OIT3: variants seen among roughly 807,000 people sequenced by gnomAD.
The protein encoded by OIT3 is oncoprotein induced transcript 3.
In OIT3, 41 loss-of-function variants were observed where a neutral mutation model predicts 52.2. The observed-to-expected ratio is 0.79, with a 90% CI of 0.61 to 1.02. The LOEUF is 1.02. Among genes scored for constraint, OIT3 ranks in the 50% least tolerant of loss-of-function variants. The pLI, the probability that OIT3 is intolerant of heterozygous loss-of-function variation, is 0.00. For missense variants in OIT3, 634 were observed against 715.5 expected (o/e 0.89, Z 1.30); for synonymous variants, 244 against 276.9 (o/e 0.88, Z 1.18).
At chr10:72,901,403 C>T (rs1327762330) in intron 3 of OIT3, among the ~76,000 whole-genome samples, 1 of 152,052 alleles carries the variant, frequency 6.6e-6, no homozygotes, top group Non-Finnish European at 1.5e-5. Context: ...TAGAAGAGAA[C>T]AGAGATGAAA....
At chr10:72,918,227 C>T (rs1481025622) in intron 6 of OIT3, 6 of 844,978 alleles carry the variant, frequency 7.1e-6, no homozygotes, top group Non-Finnish European at 1.0e-5. Context: ...CTAAACCACA[C>T]TTCAACTGTA....
rs765108835 is a variant in OIT3, at chr10:72,911,860, AC to A, written c.790+22del. 1.2e-5 allele frequency: 20 copies of A among 1,602,216 alleles called. No homozygotes were observed. The Admixed American group carries it at 2.7e-4, about 22-fold the overall frequency. On this transcript the variant is annotated intron_variant, in intron 5 of 8. Transcript: ENST00000334011. The stretch of plus-strand genomic sequence containing the variant: ...CCAAGGTAGTACATGGGGCAGGGGG[AC>A]TTGTCTCTACTCTGATTACACTTCT...
At chr10:72,900,804 G>A (rs189083074) in intron 3 of OIT3, among the ~76,000 whole-genome samples, 14 of 152,062 alleles carry the variant, frequency 9.2e-5, no homozygotes, top group African/African-American at 3.4e-4. Context: ...ACGGTGGCTC[G>A]CACCTGTAAT....
chr10:72,918,339 T>C, intron 6 of OIT3: 1 of 768,400 alleles, frequency 1.3e-6, no homozygotes, highest in Non-Finnish European at 2.4e-6. Context: ...GCCTTCGTAA[T>C]TCATTGCCTC....
At position 72,898,764 on chromosome 10, in the gene OIT3, T is replaced by C. The variant is rs754379883; in HGVS notation, c.162T>C (p.His54=). 1 of 1,614,170 alleles carries C rather than the reference T, an allele frequency of 6.2e-7. No individual in the cohort carries two copies. Among genetic ancestry groups the C allele is most frequent in the South Asian group, 1.1e-5 (1 of 91,082 alleles). The change falls in exon 2 of 9, where the codon CAT becomes CAC. Residue 54 remains histidine, a synonymous_variant. Transcript: ENST00000334011. ...AAGGTCCTCCTCTATGTGACAACCA[T>C]GTGAATGGGGAGTGGTACCACTTCA... ...ESQGPPLCDN[H]VNGEWYHFTG... is the part of the protein sequence containing the mutation.
chr10:72,900,249 G>C (rs1361754904), intron 2 of OIT3, 128 bp from the exon 3 acceptor site: 1 of 608,442 alleles, frequency 1.6e-6, no homozygotes, highest in African/African-American at 1.9e-5. Context: ...TTGAGCCCAG[G>C]GGTTCGAGGC....
chr10:72,921,128 G>A (rs996087115), intron 6 of OIT3, among the ~76,000 whole-genome samples: 19 of 152,158 alleles, frequency 1.2e-4, no homozygotes, highest in South Asian at 4.1e-4. Context: ...ATATATTTAC[G>A]ATAGTTAGCT....
At chr10:72,929,886 G>GTGTT (rs1376952489) in intron 7 of OIT3, among the ~76,000 whole-genome samples, 1 of 152,022 alleles carries the variant, frequency 6.6e-6, no homozygotes, top group Non-Finnish European at 1.5e-5. Flanking sequence ...GTGAACCTAG[G>GTGTT]TGTTTTGCTT....
intron 6 of OIT3, chr10:72,918,239 G>A: frequency 1.2e-6 from 1 of 819,876 alleles, no homozygotes; most frequent in South Asian, 1.3e-5. Context: ...TCAACTGTAA[G>A]ATCACTGGGG....
chr10:72,898,447 C>A (rs1845896730), intron 1 of OIT3, among the ~76,000 whole-genome samples: 1 of 152,186 alleles, frequency 6.6e-6, no homozygotes, highest in Non-Finnish European at 1.5e-5. Flanking sequence ...TCAATGCTAA[C>A]ACTTAACTTT....
At chr10:72,918,061 C>G in intron 6 of OIT3, 1 of 951,524 alleles carries the variant, frequency 1.1e-6, no homozygotes, top group Non-Finnish European at 1.7e-6. Context: ...TCCTCAGCAG[C>G]AAGTTTTACT....
chr10:72,924,244 A>G lies in OIT3; in HGVS notation c.967A>G (p.Ile323Val), dbSNP rs1378608000. 1.3e-6 allele frequency: 2 copies of G among 1,598,018 alleles called. No individual in the cohort carries two copies. The highest frequency in any genetic ancestry group is 2.7e-5 in the African/African-American group (2 of 74,654). ...CCTGGCTCAGGTGGTGAATGACAAG[A>G]TTGTGGCCAGCAACCTCGTGACAGG... is the stretch of plus-strand genomic sequence containing the variant. ...GTVVDVVNDK[I>V]VASNLVTGLP... Residue 323 changes from isoleucine (I) to valine (V), a missense_variant, in exon 7 of 9, where the codon ATT becomes GTT. Transcript: ENST00000334011.
At chr10:72,915,661 A>T (rs577248824) in intron 6 of OIT3, among the ~76,000 whole-genome samples, 2 of 152,296 alleles carry the variant, frequency 1.3e-5, no homozygotes, top group South Asian at 4.2e-4. Context: ...CCTTGTGCTT[A>T]GGATCACTAG....
At chr10:72,904,437 C>G (rs1350458561) in intron 3 of OIT3, among the ~76,000 whole-genome samples, 1 of 152,158 alleles carries the variant, frequency 6.6e-6, no homozygotes, top group Non-Finnish European at 1.5e-5. Context: ...GTCACCATGT[C>G]TACATCCAGG....
intron 6 of OIT3, among the ~76,000 whole-genome samples, chr10:72,919,399 G>A (rs536048382): frequency 1.3e-5 from 2 of 152,308 alleles, no homozygotes; most frequent in South Asian, 2.1e-4. Context: ...TGCAGACAGG[G>A]ATAGTTTGAC....
intron 4 of OIT3, among the ~76,000 whole-genome samples, chr10:72,907,935 T>G (rs972577021): frequency 6.6e-6 from 1 of 152,140 alleles, no homozygotes; most frequent in African/African-American, 2.4e-5. Flanking sequence ...CCTTGCAAAT[T>G]ATCACAACTA....
Position 72,924,214 on chromosome 10 carries a change from C to T in OIT3, c.952-15C>T, listed in dbSNP as rs915442699. The T allele has an allele frequency of 1.9e-6, 3 of 1,572,432 alleles. No homozygotes were observed. The highest frequency in any genetic ancestry group is 2.7e-5 in the African/African-American group (2 of 73,864). On this transcript the variant is annotated splice_polypyrimidine_tract_variant and intron_variant, in intron 6 of 8. Coordinates refer to ENST00000334011, the MANE Select transcript of OIT3 (RefSeq NM_152635.3). ...CAGACAATCTCTTTCCTCTCCTCAC[C>T]CTGGCCTGGCTCAGGTGGTGAATGA... is the stretch of plus-strand genomic sequence containing the variant.
chr10:72,909,327 C>T (rs1258861318), intron 4 of OIT3, among the ~76,000 whole-genome samples: 3 of 151,860 alleles, frequency 2.0e-5, no homozygotes, highest in Admixed American at 2.0e-4. Flanking sequence ...ACCATGTTGG[C>T]CAGGCTGGTC....
At chr10:72,898,440 A>G (rs995290406) in intron 1 of OIT3, among the ~76,000 whole-genome samples, 6 of 152,220 alleles carry the variant, frequency 3.9e-5, no homozygotes, top group African/African-American at 1.4e-4. Context: ...ATTCAGTTCA[A>G]TGCTAACACT....
Sources: allele counts gnomAD v4.1 joint callset (sites outside exome capture counted in the v4.1 genomes callset), GRCh38; gene constraint gnomAD v4.1.1; transcripts MANE v1.5; gene names NCBI Gene and HGNC (gene_info 2026-07-23, HGNC 2026-07-21).